Variants in DTNA observed in about 807,000 individuals in gnomAD.
DTNA encodes the protein dystrophin-related protein 3.
Under a neutral mutation model 100.7 loss-of-function variants are expected in DTNA, and 43 were observed. The observed-to-expected ratio is 0.43, with a 90% CI of 0.33 to 0.55. DTNA has a LOEUF of 0.55. DTNA is among the 20% of genes least tolerant of loss of function. The pLI, the probability that DTNA is intolerant of heterozygous loss-of-function variation, is 0.04. For missense variants in DTNA, 798 were observed against 953.9 expected, an observed-to-expected ratio of 0.84 and a Z score of 2.15; for synonymous variants, 349 against 347.9, an observed-to-expected ratio of 1.00 and a Z score of -0.04.
intron 3 of DTNA, among the ~76,000 whole-genome samples, chr18:34,787,087 G>A (rs1051455313): frequency 6.6e-6 from 1 of 152,346 alleles, no homozygotes; most frequent in Middle Eastern, 3.4e-3. Flanking sequence ...GTTACTACAA[G>A]TGTGATGTTG....
chr18:34,663,331 C>CT, intron 1 of DTNA, among the ~76,000 whole-genome samples: 1 of 151,720 alleles, frequency 6.6e-6, no homozygotes, highest in East Asian at 1.9e-4. Context: ...CTAATTTTTT[C>CT]TTTTTTTGTA....
At chr18:34,772,146 T>G (rs192855893) in intron 3 of DTNA, among the ~76,000 whole-genome samples, 205 of 152,326 alleles carry the variant, frequency 1.3e-3, no homozygotes, top group African/African-American at 4.7e-3. Flanking sequence ...CTTTTAGTCC[T>G]ACTGGTTACA....
At chr18:34,675,348 C>T (rs2077272761) in intron 1 of DTNA, among the ~76,000 whole-genome samples, 1 of 152,076 alleles carries the variant, frequency 6.6e-6, no homozygotes, top group Admixed American at 6.6e-5. Context: ...CAAAAGAAGT[C>T]CTGGAGAGCA....
At chr18:34,786,142 G>T (rs2094499439) in intron 3 of DTNA, among the ~76,000 whole-genome samples, 1 of 152,156 alleles carries the variant, frequency 6.6e-6, no homozygotes. Flanking sequence ...TTCCATTTGA[G>T]AGTTGTCGTA....
At chr18:34,595,331 G>A (rs565545573) in intron 1 of DTNA, among the ~76,000 whole-genome samples, 1 of 152,000 alleles carries the variant, frequency 6.6e-6, no homozygotes, top group East Asian at 1.9e-4. Flanking sequence ...TAAAATAAAT[G>A]AAAATATGTT....
intron 5 of DTNA, among the ~76,000 whole-genome samples, chr18:34,807,904 C>T (rs1444922407): frequency 7.0e-6 from 1 of 143,694 alleles, no homozygotes; most frequent in African/African-American, 2.6e-5. Flanking sequence ...CAGAGTAATC[C>T]TCGGGCATTT....
At chr18:34,553,496 G>C (rs1367379519) in intron 1 of DTNA, among the ~76,000 whole-genome samples, 2 of 151,574 alleles carry the variant, frequency 1.3e-5, no homozygotes, top group Non-Finnish European at 2.9e-5. Flanking sequence ...TTTCTTCTAG[G>C]GTTTTTATGG....
At chr18:34,780,720 G>A (rs950868627) in intron 3 of DTNA, among the ~76,000 whole-genome samples, 1 of 152,178 alleles carries the variant, frequency 6.6e-6, no homozygotes, top group African/African-American at 2.4e-5. Flanking sequence ...TAGGATCAGT[G>A]CTTAGTCTGT....
At position 34,890,985 on chromosome 18, in the gene DTNA, G is replaced by C. The variant is rs2096961855; in HGVS notation, c.*3251G>C. ...GTAAATCCAGCAACCTTTGGTTGCT[G>C]CATTCCCCTTGGTTCGATTCCACGC... On this transcript the variant is annotated 3_prime_UTR_variant, in exon 23 of 23. Transcript: ENST00000444659. 6.6e-6 allele frequency: 1 copy of C among 152,630 alleles called. No individual in the cohort carries two copies. Among genetic ancestry groups the C allele is most frequent in the South Asian group, 2.1e-4 (1 of 4,826 alleles). The allele number at this position is 152,630 out of a possible 1,614,324, so 9.5% of individuals were successfully genotyped here.
At chr18:34,869,469 G>A (rs2096741832) in intron 17 of DTNA, among the ~76,000 whole-genome samples, 1 of 152,124 alleles carries the variant, frequency 6.6e-6, no homozygotes, top group South Asian at 2.1e-4. Context: ...TAGAGAAAGT[G>A]ACAGACAAGT....
intron 1 of DTNA, among the ~76,000 whole-genome samples, chr18:34,697,446 G>A (rs2080736258): frequency 6.6e-6 from 1 of 152,188 alleles, no homozygotes; most frequent in Non-Finnish European, 1.5e-5. Context: ...TGTCATTTGA[G>A]CTGGCTGACA....
chr18:34,890,587 A>G lies in DTNA; in HGVS notation c.*2853A>G. Reference sequence around the variant, plus strand: ...TAATAAGCACTGGTCTAACACAGCCAACCCTCCTCCACAGCGCCATATTAA... The same window carrying G: ...TAATAAGCACTGGTCTAACACAGCCGACCCTCCTCCACAGCGCCATATTAA... On this transcript the variant is annotated 3_prime_UTR_variant, in exon 23 of 23. Coordinates refer to ENST00000444659, the MANE Select transcript of DTNA (RefSeq NM_001386795.1). 8.2e-7 allele frequency: 1 copy of G among 1,224,082 alleles called. No individual in the cohort carries two copies. Among genetic ancestry groups the G allele is most frequent in the East Asian group, 2.6e-5 (1 of 39,080 alleles). The allele number at this position is 1,224,082 out of a possible 1,614,324, so 75.8% of individuals were successfully genotyped here.
chr18:34,569,847 G>T (rs1363175189), intron 1 of DTNA, among the ~76,000 whole-genome samples: 1 of 151,586 alleles, frequency 6.6e-6, no homozygotes. Flanking sequence ...TTACACAAAG[G>T]CTACTGATTT....
chr18:34,551,146 T>C (rs993777200), intron 1 of DTNA, among the ~76,000 whole-genome samples: 2 of 152,198 alleles, frequency 1.3e-5, no homozygotes, highest in African/African-American at 2.4e-5. Context: ...TGGATCTGTC[T>C]TGTCAACCAT....
intron 1 of DTNA, among the ~76,000 whole-genome samples, chr18:34,527,687 C>T (rs977451866): frequency 6.6e-6 from 1 of 151,968 alleles, no homozygotes; most frequent in Non-Finnish European, 1.5e-5. Flanking sequence ...AAAATAAAAG[C>T]CAGAGAAGCA....
At chr18:34,592,213 T>A (rs1477166717) in intron 1 of DTNA, among the ~76,000 whole-genome samples, 1 of 152,118 alleles carries the variant, frequency 6.6e-6, no homozygotes, top group East Asian at 1.9e-4. Context: ...AAAGCCTTCA[T>A]TAGGCTTTTG....
exon 1 of DTNA, chr18:34,493,482 G>A (rs1456672758): frequency 6.6e-6 from 1 of 152,184 alleles, no homozygotes; most frequent in African/African-American, 2.4e-5. Context: ...AGAGTTTGGC[G>A]AGTCAGTGAC....
chr18:34,593,936 C>T (rs1039469095), intron 1 of DTNA, among the ~76,000 whole-genome samples: 1 of 152,010 alleles, frequency 6.6e-6, no homozygotes, highest in Non-Finnish European at 1.5e-5. Context: ...TACTAAGTCA[C>T]TTCCCAATTT....
At chr18:34,618,185 A>G (rs1009458596) in intron 1 of DTNA, among the ~76,000 whole-genome samples, 5 of 152,284 alleles carry the variant, frequency 3.3e-5, no homozygotes, top group African/African-American at 1.2e-4. Flanking sequence ...GTCGAACTCA[A>G]TCCAGTTCTG....
Sources: allele counts gnomAD v4.1 joint callset (sites outside exome capture counted in the v4.1 genomes callset), GRCh38; gene constraint gnomAD v4.1.1; transcripts MANE v1.5; gene names NCBI Gene and HGNC (gene_info 2026-07-23, HGNC 2026-07-21).